Variants in DNAJC24 observed in about 807,000 individuals in gnomAD.
DNAJC24 encodes the protein DnaJ heat shock protein family (Hsp40) member C24.
Under a neutral mutation model 18.0 loss-of-function variants are expected in DNAJC24, and 17 were observed. The observed-to-expected ratio is 0.94, with a 90% CI of 0.65 to 1.42. DNAJC24 has a LOEUF of 1.42. Among genes scored for constraint, DNAJC24 ranks in the 40% most tolerant of loss-of-function variants. DNAJC24 has a pLI of 0.00. For missense variants in DNAJC24, 158 were observed against 175.6 expected (o/e 0.90, Z 0.57); for synonymous variants, 55 against 57.7 (o/e 0.95, Z 0.21).
intron 3 of DNAJC24, chr11:31,416,122 T>C (rs1460583887): frequency 6.6e-6 from 1 of 152,206 alleles, no homozygotes; most frequent in African/African-American, 2.4e-5. Flanking sequence ...TTTACTACTT[T>C]TTAAAAGACT....
At position 31,370,936 on chromosome 11, in the gene DNAJC24, C is replaced by A. The variant is rs1047185083; in HGVS notation, c.111+77C>A. On this transcript the variant is annotated intron_variant, in intron 2 of 4. Coordinates refer to ENST00000465995, the MANE Select transcript of DNAJC24 (RefSeq NM_181706.5). ...TATATGAAACCACAAATTTAGGTTT[C>A]CAGAAAATAGGATACCAGTGGCAGG... is the stretch of plus-strand genomic sequence containing the variant. The A allele has an allele frequency of 1.2e-5, 10 of 856,210 alleles. No individual in the cohort carries two copies. In the African/African-American group the frequency reaches 1.2e-4, roughly 10 times the overall value. 53.0% of individuals were successfully genotyped at this position (856,210 alleles called of 1,614,324 possible). A position where few individuals can be genotyped will look rare whatever the true frequency, so the allele number is the denominator to read the frequency against.
At chr11:31,380,885 T>C (rs1952370288) in intron 2 of DNAJC24, among the ~76,000 whole-genome samples, 1 of 152,148 alleles carries the variant, frequency 6.6e-6, no homozygotes, top group Non-Finnish European at 1.5e-5. Context: ...TAAAAACATC[T>C]TGATGTTTTA....
intron 2 of DNAJC24, 91 bp from the exon 3 acceptor site, chr11:31,414,720 C>A: frequency 1.5e-6 from 2 of 1,376,418 alleles, no homozygotes; most frequent in Non-Finnish European, 2.0e-6. Context: ...TCATTACCTT[C>A]TTAACTAAAG....
chr11:31,406,071 C>G (rs1476615718), intron 2 of DNAJC24, among the ~76,000 whole-genome samples: 1 of 152,076 alleles, frequency 6.6e-6, no homozygotes, highest in African/African-American at 2.4e-5. Context: ...GGATTGGGCA[C>G]ACGTTCAAAT....
rs1226749252 is a variant in DNAJC24, at chr11:31,375,629, G to A, written c.111+4770G>A. Among the ~76,000 whole-genome samples the A allele has an allele frequency of 5.2e-5, 7 of 134,870 alleles. 1 individual carries two copies. Among genetic ancestry groups the A allele is most frequent in the African/African-American group, 9.9e-5 (4 of 40,268 alleles). 88.5% of individuals were successfully genotyped at this position (134,870 alleles called of 152,430 possible). A position where few individuals can be genotyped will look rare whatever the true frequency, so the allele number is the denominator to read the frequency against. ...AGGTAGAAGGATTAGCTTTAGGTAA[G>A]AGATAGGAGGGACCTGTCTTCATTG... On this transcript the variant is annotated intron_variant, in intron 2 of 4. Coordinates refer to ENST00000465995, the MANE Select transcript of DNAJC24 (RefSeq NM_181706.5).
chr11:31,408,652 T>A (rs1248892852), intron 2 of DNAJC24, among the ~76,000 whole-genome samples: 1 of 152,246 alleles, frequency 6.6e-6, no homozygotes, highest in Non-Finnish European at 1.5e-5. Context: ...TCATTTCCTG[T>A]ATATCTTTTG....
At chr11:31,403,043 T>C (rs1952616902) in intron 2 of DNAJC24, among the ~76,000 whole-genome samples, 1 of 152,194 alleles carries the variant, frequency 6.6e-6, no homozygotes, top group Non-Finnish European at 1.5e-5. Context: ...TTCACTAGCA[T>C]TCCCAAAGGA....
intron 2 of DNAJC24, among the ~76,000 whole-genome samples, chr11:31,375,948 G>C (rs1478811431): frequency 7.4e-6 from 1 of 135,034 alleles, no homozygotes; most frequent in East Asian, 1.9e-4. Context: ...CAATACATCT[G>C]ATATAATTTG....
intron 2 of DNAJC24, among the ~76,000 whole-genome samples, chr11:31,402,819 A>G (rs1297978119): frequency 6.6e-6 from 1 of 152,142 alleles, no homozygotes; most frequent in Admixed American, 6.5e-5. Flanking sequence ...TCCACTTTAT[A>G]AAGTTTATAA....
At chr11:31,424,514 G>C (rs1162992801) in intron 3 of DNAJC24, among the ~76,000 whole-genome samples, 1 of 152,150 alleles carries the variant, frequency 6.6e-6, no homozygotes, top group African/African-American at 2.4e-5. Flanking sequence ...AGTATCTGAA[G>C]AGCATATAGC....
intron 3 of DNAJC24, chr11:31,422,079 G>A (rs1265680462): frequency 3.0e-6 from 1 of 335,614 alleles, no homozygotes. Context: ...AAATCCAATA[G>A]AACACAAGGT....
At chr11:31,424,872 C>T (rs1489968953) in intron 3 of DNAJC24, among the ~76,000 whole-genome samples, 1 of 152,044 alleles carries the variant, frequency 6.6e-6, no homozygotes, top group African/African-American at 2.4e-5. Context: ...TGTCACAGAA[C>T]AAAGGGAAGC....
intron 2 of DNAJC24, among the ~76,000 whole-genome samples, chr11:31,382,983 A>G (rs77483983): frequency 0.011 from 1,634 of 152,228 alleles, 29 homozygotes; most frequent in African/African-American, 0.037. Context: ...CGGAAAATTT[A>G]CTTGTATTTA....
chr11:31,372,932 A>G (rs1370942176), intron 2 of DNAJC24, among the ~76,000 whole-genome samples: 2 of 134,984 alleles, frequency 1.5e-5, no homozygotes, highest in East Asian at 3.9e-4. Flanking sequence ...GAATCACTGG[A>G]CTACTCTACA....
intron 2 of DNAJC24, among the ~76,000 whole-genome samples, chr11:31,383,092 G>A (rs1387344251): frequency 6.6e-6 from 1 of 152,108 alleles, no homozygotes; most frequent in Non-Finnish European, 1.5e-5. Flanking sequence ...GATTTGGAGT[G>A]CACTGCCCTT....
intron 2 of DNAJC24, among the ~76,000 whole-genome samples, chr11:31,383,792 G>A (rs1952401708): frequency 1.3e-5 from 2 of 152,254 alleles, no homozygotes; most frequent in Non-Finnish European, 2.9e-5. Flanking sequence ...GCAGCCTTTC[G>A]TCCTAATGTA....
chr11:31,416,965 C>T (rs1191198981), intron 3 of DNAJC24: 3 of 152,058 alleles, frequency 2.0e-5, no homozygotes, highest in Admixed American at 2.0e-4. Context: ...TCCTGTAGGT[C>T]ATAGATGAAG....
chr11:31,374,929 T>G lies in DNAJC24; in HGVS notation c.111+4070T>G, dbSNP rs1365913624. On this transcript the variant is annotated intron_variant, in intron 2 of 4. Coordinates refer to ENST00000465995, the MANE Select transcript of DNAJC24 (RefSeq NM_181706.5). ...CTCTCCTGTTCTTTTGCCTGTTTTT[T>G]TCTCTTCTCTCCTGTTTGTTCTTAC... 2.2e-5 allele frequency among the ~76,000 whole-genome samples: 3 copies of G among 135,526 alleles called. 1 individual carries two copies. The highest frequency in any genetic ancestry group is 5.1e-5 in the Non-Finnish European group (3 of 58,630). The allele number at this position is 135,526 out of a possible 152,430, so 88.9% of individuals were successfully genotyped here.
chr11:31,380,994 C>G (rs921390168), intron 2 of DNAJC24, among the ~76,000 whole-genome samples: 3 of 152,134 alleles, frequency 2.0e-5, no homozygotes, highest in Non-Finnish European at 4.4e-5. Context: ...TAGCACATTA[C>G]ATAGTATACT....
Sources: allele counts gnomAD v4.1 joint callset (sites outside exome capture counted in the v4.1 genomes callset), GRCh38; gene constraint gnomAD v4.1.1; transcripts MANE v1.5; gene names NCBI Gene and HGNC (gene_info 2026-07-23, HGNC 2026-07-21).